PDE6A: variants seen among roughly 807,000 people sequenced by gnomAD.
The protein encoded by PDE6A is rod cGMP-specific 3',5'-cyclic phosphodiesterase subunit alpha.
A neutral mutation model predicts 106.3 loss-of-function variants in PDE6A; 84 were observed. The ratio of observed to expected loss-of-function variants is 0.79; its 90% CI spans 0.66 to 0.95. The LOEUF is 0.95. Ranked by LOEUF, PDE6A falls within the 40% of genes least tolerant of loss-of-function variation. The probability of loss-of-function intolerance (pLI) is 0.00; values close to 1 mark genes in which losing one functional copy is unlikely to be tolerated. For missense variants in PDE6A, 1,052 were observed against 1,084.9 expected (o/e 0.97, Z 0.43); for synonymous variants, 394 against 386.6 (o/e 1.02, Z -0.23).
At chr5:149,914,275 C>T (rs935920450) in intron 6 of PDE6A, among the ~76,000 whole-genome samples, 17 of 152,146 alleles carry the variant, frequency 1.1e-4, no homozygotes, top group East Asian at 3.9e-4. Context: ...GTCTCTCTAC[C>T]GTCTCACACT....
chr5:149,903,562 G>T, intron 8 of PDE6A, 86 bp downstream of exon 8: 1 of 1,012,074 alleles, frequency 9.9e-7, no homozygotes, highest in South Asian at 1.3e-5. Flanking sequence ...CTTCCCAGCA[G>T]AGTGGGTGGA....
At chr5:149,870,263 A>G (rs1760484086) in intron 17 of PDE6A, among the ~76,000 whole-genome samples, 1 of 152,198 alleles carries the variant, frequency 6.6e-6, no homozygotes, top group Non-Finnish European at 1.5e-5. Context: ...CATATTTTAA[A>G]TTATGTAAAC....
At chr5:149,867,667 C>G in intron 19 of PDE6A, 58 bp downstream of exon 19, 1 of 1,445,262 alleles carries the variant, frequency 6.9e-7, no homozygotes, top group East Asian at 2.3e-5. Flanking sequence ...GAGGTCATAT[C>G]TAGGTCAGGA....
At chr5:149,898,150 T>C (rs1389380102) in intron 10 of PDE6A, among the ~76,000 whole-genome samples, 1 of 152,180 alleles carries the variant, frequency 6.6e-6, no homozygotes, top group East Asian at 1.9e-4. Flanking sequence ...TGTACCACTC[T>C]CAGGCACTCA....
chr5:149,911,637 A>C (rs1021076636), intron 6 of PDE6A, among the ~76,000 whole-genome samples: 2 of 152,168 alleles, frequency 1.3e-5, no homozygotes, highest in African/African-American at 4.8e-5. Context: ...ATGAAAGGTA[A>C]TGTATTTCTT....
chr5:149,930,917 A>G, intron 4 of PDE6A, 111 bp downstream of exon 4: 1 of 1,132,952 alleles, frequency 8.8e-7, no homozygotes, highest in Non-Finnish European at 1.3e-6. Flanking sequence ...CAACCATCCC[A>G]ATTCACCCAG....
chr5:149,884,907 T>C (rs751746959), intron 14 of PDE6A, 40 bp from the exon 15 acceptor site: 8 of 1,460,112 alleles, frequency 5.5e-6, no homozygotes, highest in South Asian at 3.4e-5. Flanking sequence ...GAGTGGACAA[T>C]AGAAAATTAG....
At chr5:149,896,666 G>A (rs1752764407) in intron 11 of PDE6A, 45 bp downstream of exon 11, 1 of 1,613,854 alleles carries the variant, frequency 6.2e-7, no homozygotes, top group South Asian at 1.1e-5. Flanking sequence ...GGAGCACTTT[G>A]CACTTGTTAT....
In PDE6A at chr5:149,898,387, G is replaced by A. The variant is rs2113592406; in HGVS notation, c.1383C>T (p.Asp461=). 1.2e-6 allele frequency: 2 copies of A among 1,613,254 alleles called. No individual in the cohort carries two copies. Among genetic ancestry groups the A allele is most frequent in the Non-Finnish European group, 1.7e-6 (2 of 1,179,316 alleles). The change falls in exon 10 of 22, where the codon GAC becomes GAT. Residue 461 remains aspartate, a synonymous_variant. Coordinates refer to ENST00000255266, the MANE Select transcript of PDE6A (RefSeq NM_000440.3). ...QDIVKYHVKC[D]NEEIQKILKT... is the part of the protein sequence containing the mutation. ...CCAAGATTTTCTGAATTTCTTCATTGTCACACTTCACATGATATTTTACTA... is the reference window on the plus strand; with the variant it reads ...CCAAGATTTTCTGAATTTCTTCATTATCACACTTCACATGATATTTTACTA...
chr5:149,921,954 C>T (rs1753735994), intron 4 of PDE6A, among the ~76,000 whole-genome samples: 1 of 152,194 alleles, frequency 6.6e-6, no homozygotes, highest in South Asian at 2.1e-4. Flanking sequence ...TGAACTGGGG[C>T]ACCCTCAGTG....
At chr5:149,907,160 A>G in intron 7 of PDE6A, 152 bp downstream of exon 7, 2 of 746,718 alleles carry the variant, frequency 2.7e-6, no homozygotes, top group Non-Finnish European at 2.5e-6. Flanking sequence ...CATTTAGACC[A>G]GTTGCCAACT....
chr5:149,860,943 GT>G lies in PDE6A; in HGVS notation c.2534del (p.Asn845ThrfsTer47), dbSNP rs745432005. 1 of 1,614,124 alleles carries G rather than the reference GT, an allele frequency of 6.2e-7. No individual in the cohort carries two copies. Among genetic ancestry groups the G allele is most frequent in the Non-Finnish European group, 8.5e-7 (1 of 1,180,008 alleles). The part of the protein sequence containing the change: ...SAAAGNQPGG[N>X]PSPGGATTSK... ...ATGTAGTTGCACCCCCTGGGCTGGG[GT>G]TTCCCCCCGGCTGATTTCCTGCGGC... On this transcript the variant is annotated frameshift_variant, in exon 22 of 22. Coordinates refer to ENST00000255266, the MANE Select transcript of PDE6A (RefSeq NM_000440.3). LOFTEE classifies it high-confidence loss of function.
At chr5:149,867,448 T>C (rs928450550) in intron 19 of PDE6A, 16 of 545,496 alleles carry the variant, frequency 2.9e-5, no homozygotes, top group Non-Finnish European at 4.6e-5. Context: ...TCCCAAAATT[T>C]AGGAGGGCTT....
At position 149,896,536 on chromosome 5, in the gene PDE6A, C is replaced by T. The variant is rs568008920; in HGVS notation, c.1474-34G>A. The T allele has an allele frequency of 1.2e-5, 20 of 1,614,150 alleles. No individual in the cohort carries two copies. In the African/African-American group the frequency reaches 2.1e-4, roughly 17 times the overall value. ...GGAATAGAGTCAGGTGATTAGGAAA[C>T]ATGAAGTGTTTCTGGGTGCCCACCT... On this transcript the variant is annotated intron_variant, in intron 11 of 21. Coordinates refer to ENST00000255266, the MANE Select transcript of PDE6A (RefSeq NM_000440.3).
intron 5 of PDE6A, among the ~76,000 whole-genome samples, chr5:149,920,448 G>T (rs1032161012): frequency 6.6e-6 from 1 of 152,156 alleles, no homozygotes; most frequent in Non-Finnish European, 1.5e-5. Flanking sequence ...AGGTATGGTG[G>T]CAGGTGCCTG....
chr5:149,884,628 A>G, intron 15 of PDE6A, 49 bp from the exon 16 acceptor site: 4 of 1,516,268 alleles, frequency 2.6e-6, no homozygotes, highest in Non-Finnish European at 2.8e-6. Flanking sequence ...TGCTGGCAGT[A>G]AAGTCACCCA....
chr5:149,915,739 G>A (rs1340105717), intron 5 of PDE6A, among the ~76,000 whole-genome samples: 1 of 152,036 alleles, frequency 6.6e-6, no homozygotes, highest in Non-Finnish European at 1.5e-5. Context: ...GAAGCCAGGG[G>A]GCAAAAAAGT....
chr5:149,936,158 AAAGGAAGG>A (rs151028032), intron 1 of PDE6A, among the ~76,000 whole-genome samples: 209 of 130,726 alleles, frequency 1.6e-3, no homozygotes, highest in African/African-American at 4.6e-3. Context: ...TGTCTCTAAA[AAAGGAAGG>A]AAGGAAGGAA....
At chr5:149,868,306 G>A (rs898979995) in intron 17 of PDE6A, 148 bp from the exon 18 acceptor site, 2 of 774,658 alleles carry the variant, frequency 2.6e-6, no homozygotes, top group Non-Finnish European at 4.4e-6. Flanking sequence ...TGCATCCAGG[G>A]GTTGGGCTTT....
Sources: allele counts gnomAD v4.1 joint callset (sites outside exome capture counted in the v4.1 genomes callset), GRCh38; gene constraint gnomAD v4.1.1; transcripts MANE v1.5; gene names NCBI Gene and HGNC (gene_info 2026-07-23, HGNC 2026-07-21).